CAMK2D: variants seen among roughly 807,000 people sequenced by gnomAD.
CAMK2D encodes calcium/calmodulin-dependent protein kinase type II subunit delta.
In CAMK2D, 37 loss-of-function variants were observed where a neutral mutation model predicts 84.0. The ratio of observed to expected loss-of-function variants is 0.44; its 90% CI spans 0.34 to 0.58. CAMK2D has a LOEUF of 0.58. Ranked by LOEUF, CAMK2D falls within the 20% of genes least tolerant of loss-of-function variation. CAMK2D has a pLI of 0.02. For synonymous variants in CAMK2D, 202 were observed against 212.5 expected, an observed-to-expected ratio of 0.95 and a Z score of 0.43; for missense variants, 448 against 652.5, an observed-to-expected ratio of 0.69 and a Z score of 3.41.
chr4:113,728,712 T>C (rs1047753582), intron 2 of CAMK2D, among the ~76,000 whole-genome samples: 3 of 152,188 alleles, frequency 2.0e-5, no homozygotes, highest in South Asian at 2.1e-4. Context: ...TTATCTTTGT[T>C]ACCCTGGGAA....
chr4:113,734,352 G>A (rs1025523437), intron 2 of CAMK2D, among the ~76,000 whole-genome samples: 3 of 152,094 alleles, frequency 2.0e-5, no homozygotes, highest in African/African-American at 7.2e-5. Context: ...AGTTCAGAGT[G>A]TACAAATGGA....
intron 2 of CAMK2D, among the ~76,000 whole-genome samples, chr4:113,726,817 A>G (rs1195549744): frequency 6.6e-6 from 1 of 152,120 alleles, no homozygotes; most frequent in Non-Finnish European, 1.5e-5. Flanking sequence ...AGTACAGAAA[A>G]TATATTACTA....
At chr4:113,482,755 C>T (rs1053267786) in intron 16 of CAMK2D, among the ~76,000 whole-genome samples, 3 of 152,092 alleles carry the variant, frequency 2.0e-5, no homozygotes, top group East Asian at 1.9e-4. Context: ...TCTAAAGAGA[C>T]GAAATCAAAC....
At chr4:113,473,186 A>G (rs1342440287) in intron 16 of CAMK2D, among the ~76,000 whole-genome samples, 1 of 152,238 alleles carries the variant, frequency 6.6e-6, no homozygotes, top group Non-Finnish European at 1.5e-5. Flanking sequence ...TAATTATTAC[A>G]TCAATTTCAC....
chr4:113,639,559 A>C (rs1335040570), intron 3 of CAMK2D, among the ~76,000 whole-genome samples: 1 of 152,066 alleles, frequency 6.6e-6, no homozygotes, highest in East Asian at 1.9e-4. Context: ...TTTGTACACT[A>C]CAACACCCAC....
chr4:113,704,529 G>A (rs540133893), intron 2 of CAMK2D, among the ~76,000 whole-genome samples: 9 of 151,706 alleles, frequency 5.9e-5, no homozygotes, highest in Non-Finnish European at 1.3e-4. Flanking sequence ...GAGAATAAAT[G>A]CACATTTAAA....
chr4:113,737,855 G>C (rs1318044460), intron 2 of CAMK2D, among the ~76,000 whole-genome samples: 1 of 151,968 alleles, frequency 6.6e-6, no homozygotes, highest in African/African-American at 2.4e-5. Context: ...AAGCTCTCTA[G>C]TAAATGAGAA....
At chr4:113,585,116 T>A (rs2098827915) in intron 4 of CAMK2D, among the ~76,000 whole-genome samples, 1 of 152,196 alleles carries the variant, frequency 6.6e-6, no homozygotes. Context: ...AATTCCTTAA[T>A]TAATAGTCTC....
intron 2 of CAMK2D, among the ~76,000 whole-genome samples, chr4:113,758,305 C>G (rs1045427142): frequency 1.1e-4 from 16 of 152,008 alleles, no homozygotes; most frequent in Admixed American, 9.8e-4. Context: ...AAAATACCAA[C>G]CTAAACCTAA....
At chr4:113,558,728 C>CGGGTGTGGT (rs1281130124) in intron 4 of CAMK2D, among the ~76,000 whole-genome samples, 2 of 147,610 alleles carry the variant, frequency 1.4e-5, no homozygotes, top group Non-Finnish European at 2.9e-5. Flanking sequence ...CTGATTTTGC[C>CGGGTGTGGT]GGGTGTGGTG....
intron 4 of CAMK2D, among the ~76,000 whole-genome samples, chr4:113,569,304 T>C (rs1328326210): frequency 6.6e-6 from 1 of 152,240 alleles, no homozygotes. Flanking sequence ...AAAAAAATTG[T>C]TGGCAAATCC....
chr4:113,552,996 C>T (rs1037679369), intron 4 of CAMK2D, among the ~76,000 whole-genome samples: 17 of 152,150 alleles, frequency 1.1e-4, no homozygotes, highest in South Asian at 4.1e-4. Context: ...AGATCATTTT[C>T]TCATTTATCA....
chr4:113,735,620 G>A (rs376407173), intron 2 of CAMK2D, among the ~76,000 whole-genome samples: 1 of 152,118 alleles, frequency 6.6e-6, no homozygotes, highest in African/African-American at 2.4e-5. Context: ...AGATGCACAG[G>A]AGAAGGGTTA....
At chr4:113,500,905 T>A (rs1372342776) in intron 15 of CAMK2D, among the ~76,000 whole-genome samples, 1 of 152,050 alleles carries the variant, frequency 6.6e-6, no homozygotes, top group Non-Finnish European at 1.5e-5. Flanking sequence ...ATAGAAAAAA[T>A]TTCTATTCCC....
At chr4:113,542,563 A>G (rs1255426627) in intron 6 of CAMK2D, among the ~76,000 whole-genome samples, 1 of 152,010 alleles carries the variant, frequency 6.6e-6, no homozygotes, top group Non-Finnish European at 1.5e-5. Context: ...AAAATACAAA[A>G]AATTAATCGG....
intron 2 of CAMK2D, among the ~76,000 whole-genome samples, chr4:113,715,311 A>T (rs1483383966): frequency 6.6e-6 from 1 of 151,970 alleles, no homozygotes; most frequent in African/African-American, 2.4e-5. Context: ...AACAGTGAGC[A>T]TTCTTCTCTT....
At chr4:113,680,850 T>C (rs971537860) in intron 2 of CAMK2D, among the ~76,000 whole-genome samples, 2 of 152,176 alleles carry the variant, frequency 1.3e-5, no homozygotes, top group Non-Finnish European at 2.9e-5. Flanking sequence ...ATAGGTCTGA[T>C]TTATGGAACA....
chr4:113,500,659 T>C (rs1056830548), intron 15 of CAMK2D, 148 bp from the exon 16 acceptor site: 1 of 530,206 alleles, frequency 1.9e-6, no homozygotes, highest in Non-Finnish European at 3.3e-6. Flanking sequence ...ACACATTAAG[T>C]GGTTTTTAAC....
At chr4:113,657,936 T>C (rs1275989886) in intron 3 of CAMK2D, among the ~76,000 whole-genome samples, 1 of 152,184 alleles carries the variant, frequency 6.6e-6, no homozygotes, top group African/African-American at 2.4e-5. Flanking sequence ...GATAAGAGTC[T>C]GATATTACTT....
Sources: gnomAD v4.1 joint callset for allele counts (sites outside exome capture counted in the v4.1 genomes callset) on GRCh38, gnomAD v4.1.1 for gene constraint, MANE v1.5 for transcripts, NCBI Gene and HGNC (gene_info 2026-07-23, HGNC 2026-07-21) for gene names.